Variants in PIDD1 observed in about 807,000 individuals in gnomAD.
PIDD1 encodes the protein p53-induced death domain protein 1, also known as p53-induced death domain-containing protein 1.
PIDD1 carries 72 observed loss-of-function variants against 80.0 expected under a neutral mutation model. The observed-to-expected ratio is 0.90, with a 90% CI of 0.74 to 1.09. PIDD1 has a LOEUF of 1.09. PIDD1 is among the 50% of genes least tolerant of loss of function. The probability of loss-of-function intolerance (pLI) is 0.00; values close to 1 mark genes in which losing one functional copy is unlikely to be tolerated. For missense variants in PIDD1, 1,329 were observed against 1,228.3 expected (o/e 1.08, Z -1.23); for synonymous variants, 655 against 543.5 (o/e 1.21, Z -2.85).
rs768597585 is a variant in PIDD1 at position 801,458 on chromosome 11, C to T, written c.1469G>A (p.Arg490Gln). 2.6e-5 allele frequency: 40 copies of T among 1,544,606 alleles called. No individual in the cohort carries two copies. The Admixed American group carries it at 6.7e-4, about 26-fold the overall frequency. ...TCCTGGCCATACCTGCATGGAGACT[C>T]GACGAGGCTCCTCAGTGGCCCCAGG... Reference protein sequence around the residue: ...FPPGATEEPRRVSMQVVRMAG... With the variant: ...FPPGATEEPRQVSMQVVRMAG... The change falls in exon 8 of 16, where the codon CGA (arginine) becomes CAA (glutamine). Residue 490 changes from arginine (R) to glutamine (Q), a missense_variant. Transcript: ENST00000347755.
chr11:803,645 AC>A, intron 2 of PIDD1, 58 bp from the exon 3 acceptor site: 2 of 1,543,424 alleles, frequency 1.3e-6, no homozygotes, highest in Non-Finnish European at 1.7e-6. Context: ...TCCCAGATCG[AC>A]CCTGCCAGCC....
chr11:799,715 C>G, intron 15 of PIDD1, 100 bp downstream of exon 15: 1 of 1,376,194 alleles, frequency 7.3e-7, no homozygotes, highest in Non-Finnish European at 9.6e-7. Flanking sequence ...GCCCTTCCCC[C>G]ACCTCCCCTG....
upstream of PIDD1, chr11:805,585 G>T (rs1432307230): frequency 2.0e-6 from 2 of 980,208 alleles, no homozygotes; most frequent in Non-Finnish European, 2.4e-6. Context: ...CCGGGGTGAC[G>T]GGGGTACTCT....
In PIDD1 at chr11:801,589, G is replaced by A. The variant is rs1158016551; in HGVS notation, c.1338C>T (p.Ser446=). ...CAGGGCGGGAAACCACAAGGAACCA[G>A]GAGAAGTGGGGCACCTGGCAGTGAG... ...LWAHCQVPHF[S]WFLVVSRPVS... is the part of the protein sequence containing the mutation. The change falls in exon 8 of 16, where the codon TCC becomes TCT. Residue 446 remains serine (S), a synonymous_variant. Transcript: ENST00000347755. 6.4e-7 allele frequency: 1 copy of A among 1,566,194 alleles called. No homozygotes were observed. The highest frequency in any genetic ancestry group is 2.4e-5 in the East Asian group (1 of 42,344).
upstream of PIDD1, chr11:806,056 G>A (rs1865756478): frequency 6.7e-6 from 1 of 149,622 alleles, no homozygotes; most frequent in African/African-American, 2.5e-5. Context: ...CCGAGATGGT[G>A]CCACTGCACT....
intron 15 of PIDD1, 111 bp from the exon 16 acceptor site, chr11:799,676 C>G: frequency 7.2e-7 from 1 of 1,397,190 alleles, no homozygotes; most frequent in Non-Finnish European, 9.5e-7. Context: ...CCAGGTGCGG[C>G]CAGACCTTTC....
upstream of PIDD1, chr11:805,300 G>A (rs1423068090): frequency 2.4e-6 from 2 of 848,492 alleles, no homozygotes; most frequent in Admixed American, 6.3e-5. Context: ...CCGCCCCCTC[G>A]GGACGCGCCC....
Position 804,311 on chromosome 11 carries a change from C to T in PIDD1, c.78G>A (p.Gly26=). ...CGCCCAGGAAAGGCAGCGCCCTGGA[C>T]CCTGCGTCCGAATCCTCTGAAGCAT... ...AGDASEDSDA[G]SRALPFLGGN... Residue 26 remains glycine (G), a synonymous_variant, in exon 2 of 16, where the codon GGG becomes GGA. Transcript: ENST00000347755. The T allele has an allele frequency of 6.2e-7, 1 of 1,612,696 alleles. No individual in the cohort carries two copies. The highest frequency in any genetic ancestry group is 1.1e-5 in the South Asian group (1 of 91,066).
chr11:799,592 G>T (rs1475816914), intron 15 of PIDD1, 27 bp from the exon 16 acceptor site: 2 of 1,572,022 alleles, frequency 1.3e-6, no homozygotes, highest in South Asian at 1.1e-5. Flanking sequence ...GGCGACAGAG[G>T]GGTCCTGTCC....
chr11:809,029 G>A (rs969113262), upstream of PIDD1, among the ~76,000 whole-genome samples: 2 of 152,210 alleles, frequency 1.3e-5, no homozygotes, highest in African/African-American at 4.8e-5. Flanking sequence ...AGCTTTCTCA[G>A]GCTGCCCAGA....
At position 799,543 on chromosome 11, in the gene PIDD1, G is replaced by T. The variant is rs746570032; in HGVS notation, c.2497C>A (p.Arg833Ser). The T allele has an allele frequency of 6.2e-7, 1 of 1,601,768 alleles. No individual in the cohort carries two copies. Among genetic ancestry groups the T allele is most frequent in the Non-Finnish European group, 8.5e-7 (1 of 1,178,818 alleles). ...TCAGCCCAGGAGAAGAGCATGTGAC[G>T]GATCTGCTCATCCAGATCATCCCTG... ...EFRDDLDEQIRHMLFSWAERQ... is the reference protein window; with the variant it reads ...EFRDDLDEQISHMLFSWAERQ... Residue 833 changes from arginine to serine, a missense_variant, in exon 16 of 16, where the codon CGT becomes AGT. By Grantham distance (110) the Arg-to-Ser change is moderately radical. Transcript: ENST00000347755.
upstream of PIDD1, among the ~76,000 whole-genome samples, chr11:807,830 A>C (rs934002316): frequency 5.3e-5 from 8 of 152,170 alleles, no homozygotes; most frequent in African/African-American, 1.9e-4. Flanking sequence ...TCAAAGTGTA[A>C]ATTCAGGGCA....
rs1413104862 is a variant in PIDD1 at position 802,253 on chromosome 11, T to C, written c.1118A>G (p.His373Arg). Residue 373 changes from histidine to arginine, a missense_variant, in exon 6 of 16, where the codon CAT (histidine) becomes CGT (arginine). Transcript: ENST00000347755. ...CAGCACATGGCTGAGCAGGGCGTCATGAGGACCCAGGGGGACGAGGCCTGG... is the reference window on the plus strand; with the variant it reads ...CAGCACATGGCTGAGCAGGGCGTCACGAGGACCCAGGGGGACGAGGCCTGG... ...PEPGLVPLGPHDALLSHVLEL... is the reference protein window; with the variant it reads ...PEPGLVPLGPRDALLSHVLEL... The C allele has an allele frequency of 1.2e-6, 2 of 1,611,700 alleles. No homozygotes were observed. The highest frequency in any genetic ancestry group is 2.2e-5 in the East Asian group (1 of 44,870).
Position 802,679 on chromosome 11 carries a change from T to G in PIDD1, c.919+3A>C. ...GGTCTGCCCCTTCTAGCACCAAGCC[T>G]ACCTGGTGAACTCGGGGCGTCTGGC... On this transcript the variant is annotated splice_donor_region_variant and intron_variant, in intron 4 of 15. Transcript: ENST00000347755. 1 of 1,609,628 alleles carries G rather than the reference T, an allele frequency of 6.2e-7. No homozygotes were observed. The highest frequency in any genetic ancestry group is 8.5e-7 in the Non-Finnish European group (1 of 1,177,672).
rs1186874908 is a variant in PIDD1, at chr11:801,406, A to C, written c.1482+39T>G. ...CCCCTGAGCACCTGCCTGTGGGCTG[A>C]GGCGCGGCCTGCCACCCTCAGTGCT... On this transcript the variant is annotated intron_variant, in intron 8 of 15. Coordinates refer to ENST00000347755, the MANE Select transcript of PIDD1 (RefSeq NM_145886.4). 1.9e-6 allele frequency: 3 copies of C among 1,581,308 alleles called. No homozygotes were observed. The African/African-American group carries it at 4.0e-5, about 21-fold the overall frequency.
chr11:802,382 G>A lies in PIDD1; in HGVS notation c.989C>T (p.Pro330Leu). ...GGCCAGGGTCACTGAGCAGCCTTGA[G>A]GGGTCACAGGAAAGCTGAGTGAGGA... Reference protein sequence around the residue: ...TSDLDSFPVTPQGCSVTLACG... With the variant: ...TSDLDSFPVTLQGCSVTLACG... Residue 330 changes from proline (P) to leucine (L), a missense_variant, in exon 6 of 16, where the codon CCT (proline) becomes CTT (leucine). By Grantham distance (98) the Pro-to-Leu change is moderately conservative. Transcript: ENST00000347755. The A allele has an allele frequency of 6.2e-7, 1 of 1,612,088 alleles. No homozygotes were observed. The highest frequency in any genetic ancestry group is 8.5e-7 in the Non-Finnish European group (1 of 1,179,840).
At position 800,336 on chromosome 11, in the gene PIDD1, G is replaced by A; in HGVS notation, c.2157C>T (p.Gly719=). Residue 719 remains glycine, a synonymous_variant, in exon 13 of 16, where the codon GGC becomes GGT. Coordinates refer to ENST00000347755, the MANE Select transcript of PIDD1 (RefSeq NM_145886.4). ...CTCACCCACTCCCCTCGCCCACCTG[G>A]CCCCGCACAGCCTGAGCCTCCCGGT... is the stretch of plus-strand genomic sequence containing the variant. The part of the protein sequence containing the change: ...TLDREAQAVR[G]QVSFYRGAVP... 6.2e-7 allele frequency: 1 copy of A among 1,612,838 alleles called. No individual in the cohort carries two copies. Among genetic ancestry groups the A allele is most frequent in the South Asian group, 1.1e-5 (1 of 91,088 alleles).
upstream of PIDD1, among the ~76,000 whole-genome samples, chr11:807,504 G>A (rs541904593): frequency 1.7e-4 from 25 of 151,474 alleles, no homozygotes; most frequent in Non-Finnish European, 2.8e-4. Context: ...TAGGCCGGGC[G>A]TGGTGGCTCA....
Position 799,250 on chromosome 11 carries a change from TG to T in PIDD1, c.*56del, listed in dbSNP as rs1864999242. 1 of 1,489,198 alleles carries T rather than the reference TG, an allele frequency of 6.7e-7. No homozygotes were observed. Among genetic ancestry groups the T allele is most frequent in the Admixed American group, 2.1e-5 (1 of 47,844 alleles). 92.2% of individuals were successfully genotyped at this position (1,489,198 alleles called of 1,614,324 possible). On this transcript the variant is annotated 3_prime_UTR_variant, in exon 16 of 16. Transcript: ENST00000347755. ...CCCACACACTGGAGAGACTTGAAGGTGGGGGCTCTGCCCATCCACTGGGGAA... is the reference window on the plus strand; with the variant it reads ...CCCACACACTGGAGAGACTTGAAGGTGGGGCTCTGCCCATCCACTGGGGAA...
Sources: gnomAD v4.1 joint callset for allele counts (sites outside exome capture counted in the v4.1 genomes callset) on GRCh38, gnomAD v4.1.1 for gene constraint, MANE v1.5 for transcripts, NCBI Gene and HGNC (gene_info 2026-07-23, HGNC 2026-07-21) for gene names.